CDH4: variants seen among roughly 807,000 people sequenced by gnomAD.
CDH4 encodes cadherin 4.
CDH4 carries 33 observed loss-of-function variants against 86.0 expected under a neutral mutation model. That is an observed-to-expected ratio of 0.38 (90% CI 0.29 to 0.51). CDH4 has a LOEUF of 0.51. Ranked by LOEUF, CDH4 falls within the 20% of genes least tolerant of loss-of-function variation. The pLI is 0.86. For synonymous variants in CDH4, 555 were observed against 549.4 expected, an observed-to-expected ratio of 1.01 and a Z score of -0.14; for missense variants, 1,114 against 1,307.4, an observed-to-expected ratio of 0.85 and a Z score of 2.28.
chr20:61,545,152 C>G (rs1268045737), intron 2 of CDH4, among the ~76,000 whole-genome samples: 4 of 152,228 alleles, frequency 2.6e-5, no homozygotes, highest in Non-Finnish European at 5.9e-5. Flanking sequence ...AGGCAGCAAG[C>G]TCTGCCACGC....
intron 2 of CDH4, among the ~76,000 whole-genome samples, chr20:61,354,841 G>A (rs925740175): frequency 5.3e-5 from 8 of 152,318 alleles, no homozygotes; most frequent in East Asian, 3.9e-4. Context: ...GTGCAGGAGC[G>A]GCTGGAGAGC....
rs372952690 is a variant in CDH4 at position 61,734,761 on chromosome 20, A to G, written c.170-8802A>G. Among the ~76,000 whole-genome samples, 4 of 152,046 alleles carry G rather than the reference A, an allele frequency of 2.6e-5. No homozygotes were observed. The South Asian group carries it at 8.3e-4, about 32-fold the overall frequency. On this transcript the variant is annotated intron_variant, in intron 2 of 15. Coordinates refer to ENST00000614565, the MANE Select transcript of CDH4 (RefSeq NM_001794.5). ...AGCTCTGGAGACTGAGCTCAGCCTC[A>G]GCAGTTTCTCCCTGTACCGCCAGTT...
At chr20:61,352,548 C>A (rs1056320465) in intron 2 of CDH4, among the ~76,000 whole-genome samples, 1 of 152,342 alleles carries the variant, frequency 6.6e-6, no homozygotes, top group South Asian at 2.1e-4. Context: ...GTGCGCGGGA[C>A]GTCCAGCCCT....
rs1162493914 is a variant in CDH4 at position 61,709,935 on chromosome 20, C to T, written c.170-33628C>T. ...GCCGTGTGAGAGTTTTTTTCATTAG[C>T]GGGATCGGGCAAGACCATCTGTGTG... is the stretch of plus-strand genomic sequence containing the variant. On this transcript the variant is annotated intron_variant, in intron 2 of 15. Transcript: ENST00000614565. This position sits in a 1 kb window ranked among gnomAD's most constrained non-coding sequence, Gnocchi z 4.8. Among the ~76,000 whole-genome samples, 1 of 152,062 alleles carries T rather than the reference C, an allele frequency of 6.6e-6. No individual in the cohort carries two copies. The highest frequency in any genetic ancestry group is 1.5e-5 in the Non-Finnish European group (1 of 68,022).
chr20:61,632,819 C>A (rs11697346), intron 2 of CDH4, among the ~76,000 whole-genome samples: 2 of 144,876 alleles, frequency 1.4e-5, no homozygotes, highest in Non-Finnish European at 3.0e-5. Flanking sequence ...CCACCCGCTT[C>A]CTCTTCCTCT....
At chr20:61,316,966 A>G (rs1446879531) in intron 2 of CDH4, among the ~76,000 whole-genome samples, 1 of 150,236 alleles carries the variant, frequency 6.7e-6, no homozygotes, top group Admixed American at 6.6e-5. Context: ...GCCTTTAAAG[A>G]CGTGCCTTGC....
At chr20:61,689,702 G>A (rs1272011222) in intron 2 of CDH4, among the ~76,000 whole-genome samples, 1 of 151,032 alleles carries the variant, frequency 6.6e-6, no homozygotes, top group Non-Finnish European at 1.5e-5. Flanking sequence ...GGCTGGGACA[G>A]TGATTGGTGA....
intron 2 of CDH4, among the ~76,000 whole-genome samples, chr20:61,730,148 C>T (rs980235586): frequency 6.6e-6 from 1 of 151,912 alleles, no homozygotes; most frequent in Non-Finnish European, 1.5e-5. Context: ...ATGTCAGTAC[C>T]GACGCGTTAT....
chr20:61,829,435 G>A lies in CDH4; in HGVS notation c.577-15233G>A, dbSNP rs1399120482. Among the ~76,000 whole-genome samples, 1 of 152,254 alleles carries A rather than the reference G, an allele frequency of 6.6e-6. No homozygotes were observed. Among genetic ancestry groups the A allele is most frequent in the East Asian group, 1.9e-4 (1 of 5,198 alleles). ...CACTTGGCGGTTGCACTTTGGGGCT[G>A]TTGTCAGTGTGCTGCCGGGCACGTC... On this transcript the variant is annotated intron_variant, in intron 4 of 15. Coordinates refer to ENST00000614565, the MANE Select transcript of CDH4 (RefSeq NM_001794.5). This position sits in a 1 kb window ranked among gnomAD's most constrained non-coding sequence, Gnocchi z 4.2.
At chr20:61,424,570 G>A (rs529472244) in intron 2 of CDH4, among the ~76,000 whole-genome samples, 1 of 152,264 alleles carries the variant, frequency 6.6e-6, no homozygotes, top group African/African-American at 2.4e-5. Context: ...CCACTGATGT[G>A]GTCCTCCCAT....
chr20:61,435,058 G>A (rs746160663), intron 2 of CDH4, among the ~76,000 whole-genome samples: 3 of 152,090 alleles, frequency 2.0e-5, no homozygotes, highest in Admixed American at 6.5e-5. Context: ...TCCAACCCCC[G>A]CTTCACGTTC....
chr20:61,933,933 T>G (rs1193835116), intron 14 of CDH4, 123 bp from the exon 15 acceptor site: 2 of 1,107,970 alleles, frequency 1.8e-6, no homozygotes, highest in African/African-American at 1.5e-5. Context: ...GTGGGATGCT[T>G]GGAGACCAGG....
intron 2 of CDH4, among the ~76,000 whole-genome samples, chr20:61,284,176 A>G (rs1600833670): frequency 6.7e-6 from 1 of 150,244 alleles, no homozygotes; most frequent in East Asian, 2.0e-4. Context: ...CTGGCCTGGC[A>G]TAGTGGTGGG....
At chr20:61,815,231 C>T (rs930179556) in intron 4 of CDH4, among the ~76,000 whole-genome samples, 2 of 152,194 alleles carry the variant, frequency 1.3e-5, no homozygotes, top group African/African-American at 4.8e-5. Context: ...CCCAAGGCCA[C>T]GATCACAGGC....
intron 2 of CDH4, among the ~76,000 whole-genome samples, chr20:61,574,114 C>T (rs911825803): frequency 1.3e-5 from 2 of 152,222 alleles, no homozygotes; most frequent in Non-Finnish European, 2.9e-5. Context: ...CAGCTGGCCT[C>T]GTGGCCTGGG....
intron 4 of CDH4, among the ~76,000 whole-genome samples, chr20:61,781,385 A>G (rs1978535103): frequency 6.6e-6 from 1 of 152,204 alleles, no homozygotes; most frequent in Non-Finnish European, 1.5e-5. Context: ...CAAGGGTCAG[A>G]ATAGATGGAT....
intron 2 of CDH4, among the ~76,000 whole-genome samples, chr20:61,362,263 G>A (rs544358568): frequency 6.6e-6 from 1 of 152,330 alleles, no homozygotes; most frequent in East Asian, 1.9e-4. Context: ...GGAGGGGTTT[G>A]GGGTTTTGGG....
intron 2 of CDH4, among the ~76,000 whole-genome samples, chr20:61,298,005 C>T (rs1008921585): frequency 1.3e-5 from 2 of 152,198 alleles, no homozygotes; most frequent in African/African-American, 2.4e-5. Flanking sequence ...CCCGTTATCC[C>T]GTGTCAAGGA....
At chr20:61,394,428 T>C (rs2085004121) in intron 2 of CDH4, among the ~76,000 whole-genome samples, 2 of 152,198 alleles carry the variant, frequency 1.3e-5, no homozygotes, top group African/African-American at 4.8e-5. Context: ...GTTGTTCCCA[T>C]CTTCCTGGAA....
Sources: allele counts gnomAD v4.1 joint callset (sites outside exome capture counted in the v4.1 genomes callset), GRCh38; gene constraint gnomAD v4.1.1; non-coding constraint Gnocchi (gnomAD v3.1); transcripts MANE v1.5; gene names NCBI Gene and HGNC (gene_info 2026-07-23, HGNC 2026-07-21).